CHIT1: variants seen among roughly 807,000 people sequenced by gnomAD.
CHIT1 encodes chitotriosidase-1.
Under a neutral mutation model 52.0 loss-of-function variants are expected in CHIT1, and 47 were observed. The ratio of observed to expected loss-of-function variants is 0.90; its 90% confidence interval spans 0.71 to 1.15. The LOEUF is 1.15. CHIT1 is among the 50% of genes most tolerant of loss of function. CHIT1 has a pLI of 0.00. For synonymous variants in CHIT1, 242 were observed against 228.2 expected (o/e 1.06, Z -0.54); for missense variants, 569 against 583.0 (o/e 0.98, Z 0.25).
chr1:203,228,825 G>A (rs1011516673), intron 1 of CHIT1, among the ~76,000 whole-genome samples: 4 of 152,212 alleles, frequency 2.6e-5, no homozygotes, highest in African/African-American at 9.7e-5. Flanking sequence ...CTATACCTCA[G>A]TAAAGGGCAG....
Position 203,219,647 on chromosome 1 carries a change from G to A in CHIT1, c.915+17C>T, listed in dbSNP as rs752675073. The A allele has an allele frequency of 1.2e-6, 2 of 1,613,780 alleles. No individual in the cohort carries two copies. Among genetic ancestry groups the A allele is most frequent in the Admixed American group, 1.7e-5 (1 of 60,000 alleles). On this transcript the variant is annotated intron_variant, in intron 8 of 10. Coordinates refer to ENST00000367229, the MANE Select transcript of CHIT1 (RefSeq NM_003465.3). ...CCTGACCCTCACAATACCCAGGGTG[G>A]TTATGGGTTTTCCTACTTCATAGTA...
At position 203,220,751 on chromosome 1, in the gene CHIT1, T is replaced by C. The variant is rs577975646; in HGVS notation, c.730-902A>G. Among the ~76,000 whole-genome samples, 153 of 152,352 alleles carry C rather than the reference T, an allele frequency of 1.0e-3. 6 individuals carry two copies. Among genetic ancestry groups the C allele is most frequent in the Admixed American group, 1.1e-3 (17 of 15,304 alleles). On this transcript the variant is annotated intron_variant, in intron 7 of 10. Coordinates refer to ENST00000367229, the MANE Select transcript of CHIT1 (RefSeq NM_003465.3). Reference sequence around the variant, plus strand: ...GTCCATCTATACAACTTATCTTTGATCAGATGGGTGCTTTCTGAAGGCAGA... The same window carrying C: ...GTCCATCTATACAACTTATCTTTGACCAGATGGGTGCTTTCTGAAGGCAGA...
chr1:203,225,120 G>T lies in CHIT1; in HGVS notation c.258-16C>A, dbSNP rs774362161. On this transcript the variant is annotated splice_polypyrimidine_tract_variant and intron_variant, in intron 3 of 10. Transcript: ENST00000367229. The stretch of plus-strand genomic sequence containing the variant: ...CTTGGGATTCCTGGGAAAGACAGGA[G>T]ACACAGCAGGATTTACTCTGCCAGC... The T allele has an allele frequency of 6.2e-7, 1 of 1,613,476 alleles. No individual in the cohort carries two copies. Among genetic ancestry groups the T allele is most frequent in the South Asian group, 1.1e-5 (1 of 91,060 alleles).
In CHIT1 at chr1:203,225,649, G is replaced by C; in HGVS notation, c.257+20C>G. On this transcript the variant is annotated intron_variant, in intron 3 of 10. Coordinates refer to ENST00000367229, the MANE Select transcript of CHIT1 (RefSeq NM_003465.3). ...CACCCCACCACATCCCACCCACCCT[G>C]CTCCTCTGCTTTGGCTCACATCTTC... 1 of 1,605,970 alleles carries C rather than the reference G, an allele frequency of 6.2e-7. No individual in the cohort carries two copies. Among genetic ancestry groups the C allele is most frequent in the Non-Finnish European group, 8.5e-7 (1 of 1,173,144 alleles).
At chr1:203,229,766 G>GGGGGGGA, upstream of CHIT1, 2 of 1,014,080 alleles carry the variant, frequency 2.0e-6, no homozygotes, top group Non-Finnish European at 1.5e-6. Flanking sequence ...GGGGGGATGG[G>GGGGGGGA]AGCAGGGTGG....
At chr1:203,221,121 T>G (rs1457461817) in intron 7 of CHIT1, among the ~76,000 whole-genome samples, 1 of 152,196 alleles carries the variant, frequency 6.6e-6, no homozygotes, top group African/African-American at 2.4e-5. Context: ...AAAGAGGTGC[T>G]CTTTATTCAT....
intron 1 of CHIT1, 123 bp from the exon 2 acceptor site, chr1:203,228,685 C>T (rs1166697270): frequency 1.7e-6 from 2 of 1,180,382 alleles, no homozygotes; most frequent in East Asian, 2.6e-5. Flanking sequence ...CAAGCTTTCT[C>T]CTTTCAGAAG....
chr1:203,216,582 A>G lies in CHIT1; in HGVS notation c.*307T>C, dbSNP rs1327294069. ...ACAGGGCCTGGCACATCCTGCACGGACCACCTTCCCACCTGGCTCTGACCT... is the reference window on the plus strand; with the variant it reads ...ACAGGGCCTGGCACATCCTGCACGGGCCACCTTCCCACCTGGCTCTGACCT... On this transcript the variant is annotated 3_prime_UTR_variant, in exon 11 of 11. Coordinates refer to ENST00000367229, the MANE Select transcript of CHIT1 (RefSeq NM_003465.3). The G allele has an allele frequency of 2.0e-6, 1 of 490,610 alleles. No homozygotes were observed. The highest frequency in any genetic ancestry group is 4.0e-6 in the Non-Finnish European group (1 of 251,248). 30.4% of individuals were successfully genotyped at this position (490,610 alleles called of 1,614,324 possible).
Position 203,219,867 on chromosome 1 carries a change from G to C in CHIT1, c.730-18C>G. On this transcript the variant is annotated intron_variant, in intron 7 of 10. Coordinates refer to ENST00000367229, the MANE Select transcript of CHIT1 (RefSeq NM_003465.3). Reference sequence around the variant, plus strand: ...GCAGCATCCTGGTGGAAGAGGGCAGGGTTAATTTTCTCAGCCCTCAGCCTG... The same window carrying C: ...GCAGCATCCTGGTGGAAGAGGGCAGCGTTAATTTTCTCAGCCCTCAGCCTG... 2 of 1,611,638 alleles carry C rather than the reference G, an allele frequency of 1.2e-6. No homozygotes were observed. The highest frequency in any genetic ancestry group is 1.7e-6 in the Non-Finnish European group (2 of 1,179,706).
chr1:203,225,406 G>A (rs1469735034), intron 3 of CHIT1, among the ~76,000 whole-genome samples: 2 of 150,080 alleles, frequency 1.3e-5, no homozygotes, highest in Non-Finnish European at 3.0e-5. Context: ...TCATAATGAG[G>A]AAGGGGCTTC....
intron 6 of CHIT1, 139 bp from the exon 7 acceptor site, chr1:203,222,464 C>T: frequency 7.7e-7 from 1 of 1,304,352 alleles, no homozygotes; most frequent in Non-Finnish European, 1.1e-6. Flanking sequence ...GCTCACCTGG[C>T]TCTGCAGAAG....
At chr1:203,222,428 A>G (rs1656773493) in intron 6 of CHIT1, 103 bp from the exon 7 acceptor site, 2 of 1,564,958 alleles carry the variant, frequency 1.3e-6, no homozygotes, top group Non-Finnish European at 1.7e-6. Flanking sequence ...GGGAGGAACC[A>G]CTGGGGTCAG....
chr1:203,217,977 T>G (rs1436711985), intron 9 of CHIT1, 112 bp from the exon 10 acceptor site: 1 of 1,538,480 alleles, frequency 6.5e-7, no homozygotes, highest in South Asian at 1.2e-5. Context: ...GCCTCAGGCC[T>G]GTGAGTGGCT....
intron 2 of CHIT1, 78 bp from the exon 3 acceptor site, chr1:203,225,948 G>A: frequency 1.4e-6 from 2 of 1,481,088 alleles, no homozygotes; most frequent in Non-Finnish European, 1.9e-6. Context: ...TCTGGGGTAG[G>A]CAATGTCCTT....
intron 9 of CHIT1, among the ~76,000 whole-genome samples, chr1:203,218,615 C>T (rs1173057419): frequency 6.6e-6 from 1 of 152,114 alleles, no homozygotes; most frequent in African/African-American, 2.4e-5. Flanking sequence ...ACCTTCTATG[C>T]TTTAGGACTT....
chr1:203,216,786 C>T lies in CHIT1; in HGVS notation c.*103G>A. ...TGGATAAAGGAAGACCACAGAAAGG[C>T]CTGCAGGAGCCAGATTGCGGCCCCC... is the stretch of plus-strand genomic sequence containing the variant. On this transcript the variant is annotated 3_prime_UTR_variant, in exon 11 of 11. Transcript: ENST00000367229. The T allele has an allele frequency of 6.7e-7, 1 of 1,486,070 alleles. No homozygotes were observed. The highest frequency in any genetic ancestry group is 9.4e-7 in the Non-Finnish European group (1 of 1,067,986). 92.1% of individuals were successfully genotyped at this position (1,486,070 alleles called of 1,614,324 possible).
At chr1:203,220,350 T>C (rs1383047090) in intron 7 of CHIT1, among the ~76,000 whole-genome samples, 2 of 152,252 alleles carry the variant, frequency 1.3e-5, no homozygotes, top group Non-Finnish European at 2.9e-5. Flanking sequence ...ATCATCGTTA[T>C]CATGATTGTT....
At position 203,225,083 on chromosome 1, in the gene CHIT1, CAG is replaced by C. The variant is rs767464406; in HGVS notation, c.277_278del (p.Leu93ValfsTer40). On this transcript the variant is annotated frameshift_variant, in exon 4 of 11. Coordinates refer to ENST00000367229, the MANE Select transcript of CHIT1 (RefSeq NM_003465.3). LOFTEE classifies it high-confidence loss of function. ...CGAAATTCCAGCCTCCGATGGCTAA[CAG>C]GGTCTTCAGCTTGGGATTCCTGGGA... is the stretch of plus-strand genomic sequence containing the variant. ...LKKMNPKLKT[L>X]LAIGGWNFGT... The C allele has an allele frequency of 6.2e-7, 1 of 1,613,880 alleles. No homozygotes were observed. Among genetic ancestry groups the C allele is most frequent in the South Asian group, 1.1e-5 (1 of 91,072 alleles).
intron 1 of CHIT1, among the ~76,000 whole-genome samples, chr1:203,228,967 A>C (rs943522441): frequency 6.6e-6 from 1 of 152,072 alleles, no homozygotes; most frequent in Non-Finnish European, 1.5e-5. Context: ...GCATGGAGAG[A>C]GTTCATCTCC....
Sources: allele counts gnomAD v4.1 joint callset (sites outside exome capture counted in the v4.1 genomes callset), GRCh38; gene constraint gnomAD v4.1.1; transcripts MANE v1.5; gene names NCBI Gene and HGNC (gene_info 2026-07-23, HGNC 2026-07-21).